FBXL12: variants seen among roughly 807,000 people sequenced by gnomAD.
FBXL12 encodes the protein F-box/LRR-repeat protein 12.
FBXL12 carries 22 observed loss-of-function variants against 24.9 expected under a neutral mutation model. The ratio of observed to expected loss-of-function variants is 0.88; its 90% confidence interval spans 0.63 to 1.26. FBXL12 has a LOEUF of 1.26. FBXL12 is among the 50% of genes most tolerant of loss of function. The pLI is 0.00. For synonymous variants in FBXL12, 193 were observed against 193.8 expected (o/e 1.00, Z 0.03); for missense variants, 384 against 434.1 (o/e 0.88, Z 1.03).
At position 9,818,635 on chromosome 19, in the gene FBXL12, C is replaced by T; in HGVS notation, c.87-18G>A. On this transcript the variant is annotated intron_variant, in intron 1 of 2. Transcript: ENST00000247977. ...GACAGACCCTGGGGGAGGGGACGCG[C>T]GGTTAGAACGACCCCAGCCCCGGGC... 3 of 1,551,782 alleles carry T rather than the reference C, an allele frequency of 1.9e-6. No homozygotes were observed. The highest frequency in any genetic ancestry group is 2.6e-6 in the Non-Finnish European group (3 of 1,147,562).
rs1451597574 is a variant in FBXL12, at chr19:9,818,788, T to C, written c.26A>G (p.Asp9Gly). The change falls in exon 1 of 3, where the codon GAC (aspartate) becomes GGC (glycine). Residue 9 changes from aspartate (D) to glycine (G), a missense_variant. By Grantham distance (94) the Asp-to-Gly change is moderately conservative. Coordinates refer to ENST00000247977, the MANE Select transcript of FBXL12 (RefSeq NM_017703.3). ...AGAGAAGATCTCGAGCAGGACCGAG[T>C]CCGGCAGTTCGACCAAAGTCGCCAT... MATLVELP[D>G]SVLLEIFSYL... 3 of 1,553,906 alleles carry C rather than the reference T, an allele frequency of 1.9e-6. No individual in the cohort carries two copies. The highest frequency in any genetic ancestry group is 2.4e-5 in the South Asian group (2 of 84,500).
Position 9,816,182 on chromosome 19 carries a change from G to C in FBXL12, c.159+2363C>G, listed in dbSNP as rs559565605. ...TCCTGGGCTTCCAGGCCTGAGATGG[G>C]AGGGGCTGCCGTGAAGGTCTCTGAC... On this transcript the variant is annotated intron_variant, in intron 2 of 2. Coordinates refer to ENST00000247977, the MANE Select transcript of FBXL12 (RefSeq NM_017703.3). Among the ~76,000 whole-genome samples the C allele has an allele frequency of 5.9e-5, 9 of 152,324 alleles. No homozygotes were observed. In the South Asian group the frequency reaches 1.9e-3, roughly 32 times the overall value.
intron 2 of FBXL12, chr19:9,813,314 A>T: frequency 8.8e-7 from 1 of 1,134,274 alleles, no homozygotes; most frequent in Non-Finnish European, 1.1e-6. Flanking sequence ...CATATTCTTT[A>T]TGTGTGCTTA....
rs28867747 is a variant in FBXL12 at position 9,816,494 on chromosome 19, G to A, written c.159+2051C>T. The stretch of plus-strand genomic sequence containing the variant: ...AGTTCCACAAATCTCTAGGGCAGGG[G>A]CAAAATGCCATCAGTCTCTCTGCTA... On this transcript the variant is annotated intron_variant, in intron 2 of 2. Transcript: ENST00000247977. Among the ~76,000 whole-genome samples the A allele has an allele frequency of 8.2e-3, 1,254 of 152,132 alleles. 11 individuals are homozygous for A. Among genetic ancestry groups the A allele is most frequent in the African/African-American group, 0.029 (1,211 of 41,484 alleles).
At chr19:9,816,538 C>T (rs1300816184) in intron 2 of FBXL12, among the ~76,000 whole-genome samples, 3 of 152,194 alleles carry the variant, frequency 2.0e-5, no homozygotes, top group Admixed American at 6.5e-5. Flanking sequence ...CAAGAGTCAC[C>T]TTTACTCCAG....
intron 2 of FBXL12, among the ~76,000 whole-genome samples, chr19:9,815,563 G>A (rs1397267684): frequency 1.3e-5 from 2 of 152,062 alleles, no homozygotes; most frequent in Non-Finnish European, 2.9e-5. Flanking sequence ...GGTTCTCCAT[G>A]AGGGCCCCAC....
intron 2 of FBXL12, 49 bp downstream of exon 2, chr19:9,818,496 T>C: frequency 6.6e-7 from 1 of 1,522,398 alleles, no homozygotes; most frequent in East Asian, 2.5e-5. Flanking sequence ...GTCTTCGGGG[T>C]CCGGGCACCG....
Position 9,818,535 on chromosome 19 carries a change from C to T in FBXL12, c.159+10G>A, listed in dbSNP as rs754981908. The T allele has an allele frequency of 1.9e-6, 3 of 1,543,182 alleles. No homozygotes were observed. The highest frequency in any genetic ancestry group is 1.4e-5 in the African/African-American group (1 of 73,294). ...CCGCGGCCCAGGCCCGCCCGGCCAG[C>T]TGCGCGTACCGTGTAGAGCGTCAGG... On this transcript the variant is annotated intron_variant, in intron 2 of 2. Transcript: ENST00000247977.
In FBXL12 at chr19:9,818,986, G is replaced by C. The variant is rs1290276401; in HGVS notation, c.-173C>G. On this transcript the variant is annotated 5_prime_UTR_variant, in exon 1 of 3. Coordinates refer to ENST00000247977, the MANE Select transcript of FBXL12 (RefSeq NM_017703.3). Reference sequence around the variant, plus strand: ...CAGGGCCGGACCAGCCGCGGATGGGGACCAGAAACCAGCCTGGAAAGCGTG... The same window carrying C: ...CAGGGCCGGACCAGCCGCGGATGGGCACCAGAAACCAGCCTGGAAAGCGTG... The C allele has an allele frequency of 1.6e-6, 1 of 640,642 alleles. No homozygotes were observed. The highest frequency in any genetic ancestry group is 2.8e-5 in the East Asian group (1 of 35,990). 39.7% of individuals were successfully genotyped at this position (640,642 alleles called of 1,614,324 possible).
In FBXL12 at chr19:9,818,545, C is replaced by T. The variant is rs1307009063; in HGVS notation, c.159G>A (p.Thr53=). The change falls in exon 2 of 3, where the codon ACG becomes ACA. Residue 53 remains threonine (T), a splice_region_variant and synonymous_variant. Transcript: ENST00000247977. The part of the protein sequence containing the change: ...LWRHVDLTLY[T]MRPKVMWHLL... Reference sequence around the variant, plus strand: ...GGCCCGCCCGGCCAGCTGCGCGTACCGTGTAGAGCGTCAGGTCGACATGTC... The same window carrying T: ...GGCCCGCCCGGCCAGCTGCGCGTACTGTGTAGAGCGTCAGGTCGACATGTC... The T allele has an allele frequency of 6.3e-5, 98 of 1,546,698 alleles. No homozygotes were observed. Among genetic ancestry groups the T allele is most frequent in the Non-Finnish European group, 8.1e-5 (93 of 1,149,390 alleles).
chr19:9,818,420 C>T (rs1212634602), intron 2 of FBXL12, 125 bp downstream of exon 2: 19 of 1,020,880 alleles, frequency 1.9e-5, no homozygotes, highest in Admixed American at 2.5e-5. Context: ...CGAGATAGGC[C>T]CCGGATCGCC....
intron 2 of FBXL12, among the ~76,000 whole-genome samples, chr19:9,812,428 G>C (rs1377207225): frequency 6.6e-6 from 1 of 151,228 alleles, no homozygotes; most frequent in African/African-American, 2.4e-5. Context: ...CTACTCAAGA[G>C]GCTGAGGCAA....
At chr19:9,815,500 A>C (rs532284992) in intron 2 of FBXL12, among the ~76,000 whole-genome samples, 4 of 151,942 alleles carry the variant, frequency 2.6e-5, no homozygotes, top group African/African-American at 9.7e-5. Context: ...CCCAATAGGG[A>C]CTCTGTGTGG....
At position 9,810,960 on chromosome 19, in the gene FBXL12, CCCTT is replaced by C. The variant is rs774039747; in HGVS notation, c.913_916del (p.Lys305GlyfsTer50). ...GACGATGACCATACAGTGGGGCAGCCCCTTACACAGGATCTTCTCCGCCTCCTGA... is the reference window on the plus strand; with the variant it reads ...GACGATGACCATACAGTGGGGCAGCCACACAGGATCTTCTCCGCCTCCTGA... On this transcript the variant is annotated frameshift_variant, in exon 3 of 3. Transcript: ENST00000247977. LOFTEE classifies it high-confidence loss of function. The C allele has an allele frequency of 8.7e-6, 14 of 1,612,648 alleles. No homozygotes were observed. The highest frequency in any genetic ancestry group is 1.3e-5 in the African/African-American group (1 of 74,882).
At chr19:9,816,599 AT>A (rs1397046610) in intron 2 of FBXL12, among the ~76,000 whole-genome samples, 1 of 152,202 alleles carries the variant, frequency 6.6e-6, no homozygotes, top group Non-Finnish European at 1.5e-5. Flanking sequence ...CCTGGACCTT[AT>A]TGATCATACC....
chr19:9,810,842 G>A lies in FBXL12; in HGVS notation c.*54C>T, dbSNP rs1025067265. ...GCCCTCTTCAAGGTGCTGCTCAGAG[G>A]GTCTGGGGCTCAATGATGAAAACTG... On this transcript the variant is annotated 3_prime_UTR_variant, in exon 3 of 3. Transcript: ENST00000247977. The A allele has an allele frequency of 2.5e-5, 35 of 1,413,258 alleles. No homozygotes were observed. Among genetic ancestry groups the A allele is most frequent in the Non-Finnish European group, 3.2e-5 (33 of 1,032,378 alleles). 87.5% of individuals were successfully genotyped at this position (1,413,258 alleles called of 1,614,324 possible).
At chr19:9,813,935 G>A (rs1049018918) in intron 2 of FBXL12, among the ~76,000 whole-genome samples, 9 of 151,918 alleles carry the variant, frequency 5.9e-5, no homozygotes, top group Admixed American at 5.2e-4. Flanking sequence ...CACTGCACCC[G>A]GCCAAAAAGG....
At position 9,811,112 on chromosome 19, in the gene FBXL12, C is replaced by T. The variant is rs2145362408; in HGVS notation, c.765G>A (p.Glu255=). 1 of 1,606,154 alleles carries T rather than the reference C, an allele frequency of 6.2e-7. No homozygotes were observed. The change falls in exon 3 of 3, where the codon GAG becomes GAA. Residue 255 remains glutamate, a synonymous_variant. Coordinates refer to ENST00000247977, the MANE Select transcript of FBXL12 (RefSeq NM_017703.3). This position sits in a 1 kb window ranked among gnomAD's most constrained non-coding sequence, Gnocchi z 6.0. Reference sequence around the variant, plus strand: ...CGAGGGGACCCTGCAGGCACAGACTCTCCAGGGCCGGCATTCCCTCCAGCA... The same window carrying T: ...CGAGGGGACCCTGCAGGCACAGACTTTCCAGGGCCGGCATTCCCTCCAGCA... ...LAVLEGMPAL[E]SLCLQGPLVT...
chr19:9,811,899 C>T lies in FBXL12; in HGVS notation c.160-182G>A, dbSNP rs2045763396. Among the ~76,000 whole-genome samples the T allele has an allele frequency of 6.6e-6, 1 of 151,776 alleles. No homozygotes were observed. The highest frequency in any genetic ancestry group is 1.5e-5 in the Non-Finnish European group (1 of 67,948). On this transcript the variant is annotated intron_variant, in intron 2 of 2. Coordinates refer to ENST00000247977, the MANE Select transcript of FBXL12 (RefSeq NM_017703.3). This position sits in a 1 kb window ranked among gnomAD's most constrained non-coding sequence, Gnocchi z 6.0. ...CAGGTTCAACCAGATGGTTTGAGTG[C>T]ACCATCTTGCCTGCTAGGGCTTTGA...
Sources: gnomAD v4.1 joint callset for allele counts (sites outside exome capture counted in the v4.1 genomes callset) on GRCh38, gnomAD v4.1.1 for gene constraint, Gnocchi (gnomAD v3.1) non-coding constraint, MANE v1.5 for transcripts, NCBI Gene and HGNC (gene_info 2026-07-23, HGNC 2026-07-21) for gene names.